Variants in SORCS3 observed in about 807,000 individuals in gnomAD.
The protein encoded by SORCS3 is VPS10 domain-containing receptor SorCS3.
SORCS3 carries 57 observed loss-of-function variants against 146.3 expected under a neutral mutation model. That is an observed-to-expected ratio of 0.39 (90% confidence interval 0.31 to 0.49). The LOEUF (loss-of-function observed/expected upper bound fraction) is 0.49. Ranked by LOEUF, SORCS3 falls within the 20% of genes least tolerant of loss-of-function variation. SORCS3 has a pLI of 0.92. For missense variants in SORCS3, 1,341 were observed against 1,575.5 expected (o/e 0.85, Z 2.52); for synonymous variants, 653 against 618.5 (o/e 1.06, Z -0.83).
chr10:105,061,622 G>C (rs1304104523), intron 5 of SORCS3, among the ~76,000 whole-genome samples: 1 of 144,530 alleles, frequency 6.9e-6, no homozygotes, highest in Non-Finnish European at 1.5e-5. Context: ...CCTCCAAATA[G>C]AGAGTGGGTG....
chr10:105,234,166 G>GT (rs1216213984), intron 20 of SORCS3, among the ~76,000 whole-genome samples: 2 of 152,096 alleles, frequency 1.3e-5, no homozygotes, highest in Non-Finnish European at 2.9e-5. Flanking sequence ...GATTGGTGGT[G>GT]TTTTTTTCCC....
rs535468474 is a variant in SORCS3, at chr10:104,643,530, A to T, written c.627+1576A>T. On this transcript the variant is annotated intron_variant, in intron 1 of 26. Coordinates refer to ENST00000369701, the MANE Select transcript of SORCS3 (RefSeq NM_014978.3). ...AAGACCCCCGTAGCCTCGGGCTGACAGCTCTGGCGAGAGGGGTGGACAATG... is the reference window on the plus strand; with the variant it reads ...AAGACCCCCGTAGCCTCGGGCTGACTGCTCTGGCGAGAGGGGTGGACAATG... 4.6e-5 allele frequency among the ~76,000 whole-genome samples: 7 copies of T among 152,286 alleles called. No individual in the cohort carries two copies. In the South Asian group the frequency reaches 1.5e-3, roughly 32 times the overall value.
At chr10:105,214,357 C>A in intron 17 of SORCS3, 85 bp from the exon 18 acceptor site, 1 of 1,193,714 alleles carries the variant, frequency 8.4e-7, no homozygotes, top group Non-Finnish European at 1.2e-6. Context: ...CTCTTACATT[C>A]CCTTTATAAC....
chr10:104,718,372 G>A (rs544172660), intron 1 of SORCS3, among the ~76,000 whole-genome samples: 5 of 152,084 alleles, frequency 3.3e-5, no homozygotes, highest in Non-Finnish European at 5.9e-5. Context: ...TGATGAACCC[G>A]TTCCCTCCAT....
chr10:105,223,050 A>T, intron 19 of SORCS3, 66 bp from the exon 20 acceptor site: 1 of 1,472,806 alleles, frequency 6.8e-7, no homozygotes, highest in Non-Finnish European at 9.2e-7. Context: ...TTAAGAATCT[A>T]GGGGTGTGAT....
chr10:104,693,916 G>A (rs1476785990), intron 1 of SORCS3, among the ~76,000 whole-genome samples: 1 of 151,996 alleles, frequency 6.6e-6, no homozygotes, highest in Non-Finnish European at 1.5e-5. Flanking sequence ...TTTATTATAG[G>A]ACATGGGGAG....
intron 1 of SORCS3, among the ~76,000 whole-genome samples, chr10:104,761,493 A>G (rs1206326743): frequency 6.6e-6 from 1 of 152,076 alleles, no homozygotes; most frequent in Non-Finnish European, 1.5e-5. Context: ...TTGACCTTTC[A>G]TGGGAGGGAT....
In SORCS3 at chr10:105,117,000, A is replaced by G. The variant is rs113029936; in HGVS notation, c.1212+11485A>G. ...AATACCCATGACATACAATATGCCTATATAACAAACCTGTGCATGTACCCT... is the reference window on the plus strand; with the variant it reads ...AATACCCATGACATACAATATGCCTGTATAACAAACCTGTGCATGTACCCT... On this transcript the variant is annotated intron_variant, in intron 7 of 26. Coordinates refer to ENST00000369701, the MANE Select transcript of SORCS3 (RefSeq NM_014978.3). 2.0e-3 allele frequency among the ~76,000 whole-genome samples: 298 copies of G among 152,232 alleles called. 3 individuals are homozygous for G. The highest frequency in any genetic ancestry group is 6.7e-3 in the African/African-American group (279 of 41,538).
At chr10:104,941,597 A>C (rs2019321400) in intron 3 of SORCS3, among the ~76,000 whole-genome samples, 1 of 152,158 alleles carries the variant, frequency 6.6e-6, no homozygotes, top group Admixed American at 6.6e-5. Context: ...TCTGCCACTC[A>C]GCTATTGCTT....
At chr10:104,727,368 A>C (rs1385099895) in intron 1 of SORCS3, among the ~76,000 whole-genome samples, 1 of 152,150 alleles carries the variant, frequency 6.6e-6, no homozygotes, top group East Asian at 1.9e-4. Flanking sequence ...TAAACCCACT[A>C]TCCAGAAATA....
intron 1 of SORCS3, among the ~76,000 whole-genome samples, chr10:104,679,172 C>T (rs2015944225): frequency 6.6e-6 from 1 of 152,046 alleles, no homozygotes; most frequent in African/African-American, 2.4e-5. Flanking sequence ...TGTTTGGGTA[C>T]CTGCTGAGTG....
At chr10:105,078,537 T>C (rs2055603336) in intron 5 of SORCS3, among the ~76,000 whole-genome samples, 3 of 152,182 alleles carry the variant, frequency 2.0e-5, no homozygotes, top group Admixed American at 2.0e-4. Context: ...AAAAAGATTA[T>C]ATTACTATCT....
intron 14 of SORCS3, among the ~76,000 whole-genome samples, chr10:105,191,004 C>A (rs184352735): frequency 3.9e-5 from 6 of 152,192 alleles, no homozygotes; most frequent in Admixed American, 1.3e-4. Flanking sequence ...TGTAAGGAAC[C>A]CTCTGTAGTT....
rs559551709 is a variant in SORCS3 at position 104,975,522 on chromosome 10, G to A, written c.796-1813G>A. The stretch of plus-strand genomic sequence containing the variant: ...ATAGAGTCAATGCCATCCCCATCAA[G>A]CTGCCAATGACTTTCTTCACAGAAT... On this transcript the variant is annotated intron_variant, in intron 3 of 26. Transcript: ENST00000369701. 3.0e-3 allele frequency among the ~76,000 whole-genome samples: 461 copies of A among 152,252 alleles called. 2 individuals are homozygous for A. The highest frequency in any genetic ancestry group is 0.018 in the South Asian group (89 of 4,824).
chr10:104,820,814 T>C (rs921287575), intron 1 of SORCS3, among the ~76,000 whole-genome samples: 1 of 152,182 alleles, frequency 6.6e-6, no homozygotes, highest in African/African-American at 2.4e-5. Flanking sequence ...GAAGTTGCTG[T>C]AATGTTAGGA....
chr10:104,705,022 C>T (rs2016319883), intron 1 of SORCS3, among the ~76,000 whole-genome samples: 1 of 152,132 alleles, frequency 6.6e-6, no homozygotes, highest in South Asian at 2.1e-4. Flanking sequence ...TTTCCCAACC[C>T]CAGATATGTC....
At chr10:105,007,449 C>A (rs2055103270) in intron 4 of SORCS3, among the ~76,000 whole-genome samples, 1 of 152,074 alleles carries the variant, frequency 6.6e-6, no homozygotes, top group Non-Finnish European at 1.5e-5. Flanking sequence ...CATTGTTATA[C>A]CCATCACTCA....
intron 4 of SORCS3, among the ~76,000 whole-genome samples, chr10:104,991,282 T>C (rs1268403210): frequency 1.3e-5 from 2 of 152,156 alleles, no homozygotes; most frequent in Non-Finnish European, 2.9e-5. Context: ...AGAAATAGAC[T>C]GAGTGGCTTA....
chr10:104,661,686 T>C (rs1292830824), intron 1 of SORCS3, among the ~76,000 whole-genome samples: 1 of 152,066 alleles, frequency 6.6e-6, no homozygotes, highest in Non-Finnish European at 1.5e-5. Flanking sequence ...GATAGATAGA[T>C]AGATAGATAG....
Sources: allele counts gnomAD v4.1 joint callset (sites outside exome capture counted in the v4.1 genomes callset), GRCh38; gene constraint gnomAD v4.1.1; transcripts MANE v1.5; gene names NCBI Gene and HGNC (gene_info 2026-07-23, HGNC 2026-07-21).